Variants in MDGA2 observed in about 807,000 individuals in gnomAD.
MDGA2 encodes MAM domain containing glycosylphosphatidylinositol anchor 2.
MDGA2 carries 40 observed loss-of-function variants against 117.8 expected under a neutral mutation model. The observed-to-expected ratio is 0.34, with a 90% CI of 0.26 to 0.44. MDGA2 has a LOEUF of 0.44. MDGA2 is among the 20% of genes least tolerant of loss of function. The probability of loss-of-function intolerance (pLI) is 1.00; values close to 1 mark genes in which losing one functional copy is unlikely to be tolerated. For missense variants in MDGA2, 1,123 were observed against 1,250.6 expected, an observed-to-expected ratio of 0.90 and a Z score of 1.54; for synonymous variants, 452 against 439.0, an observed-to-expected ratio of 1.03 and a Z score of -0.37.
chr14:46,912,332 G>A (rs995469588), intron 10 of MDGA2, among the ~76,000 whole-genome samples: 10 of 152,006 alleles, frequency 6.6e-5, no homozygotes, highest in East Asian at 1.9e-4. Context: ...CCTGCAGTTC[G>A]TTTTTGCTGG....
intron 8 of MDGA2, among the ~76,000 whole-genome samples, chr14:47,000,413 A>T (rs1566567926): frequency 2.0e-4 from 28 of 140,946 alleles, no homozygotes; most frequent in East Asian, 6.0e-4. Flanking sequence ...ATATATTTAT[A>T]TATATACACA....
At chr14:47,030,872 G>A (rs967622103) in intron 8 of MDGA2, among the ~76,000 whole-genome samples, 1 of 151,958 alleles carries the variant, frequency 6.6e-6, no homozygotes, top group Non-Finnish European at 1.5e-5. Flanking sequence ...GTGGTAACTG[G>A]CAATTGTAGA....
At chr14:47,379,886 C>G (rs1301635298) in intron 1 of MDGA2, among the ~76,000 whole-genome samples, 1 of 152,194 alleles carries the variant, frequency 6.6e-6, no homozygotes, top group East Asian at 1.9e-4. Context: ...TAGACACCTA[C>G]AGAACTCTGC....
At chr14:47,638,035 C>A (rs966254901) in intron 1 of MDGA2, among the ~76,000 whole-genome samples, 1 of 152,112 alleles carries the variant, frequency 6.6e-6, no homozygotes, top group African/African-American at 2.4e-5. Context: ...TTCAAAGCTA[C>A]AACAGAATCA....
intron 1 of MDGA2, among the ~76,000 whole-genome samples, chr14:47,400,708 A>C (rs1211182124): frequency 9.7e-5 from 14 of 143,958 alleles, no homozygotes; most frequent in Admixed American, 8.9e-4. Context: ...CAAAAAAAAA[A>C]CCCTTAGTGG....
intron 10 of MDGA2, among the ~76,000 whole-genome samples, chr14:46,893,903 T>C (rs917405631): frequency 6.6e-6 from 1 of 151,988 alleles, no homozygotes; most frequent in African/African-American, 2.4e-5. Context: ...ATTTTATAAA[T>C]TTTTTTAGAC....
At chr14:47,075,327 C>G (rs2138860564) in intron 6 of MDGA2, among the ~76,000 whole-genome samples, 1 of 152,198 alleles carries the variant, frequency 6.6e-6, no homozygotes, top group East Asian at 1.9e-4. Flanking sequence ...TGAGCACCCT[C>G]ACTTCCACAA....
At chr14:47,292,756 A>C (rs574296490) in intron 2 of MDGA2, among the ~76,000 whole-genome samples, 17 of 152,140 alleles carry the variant, frequency 1.1e-4, no homozygotes, top group Middle Eastern at 3.2e-3. Flanking sequence ...AATGATTGTG[A>C]TCTTCCATTA....
At position 47,207,733 on chromosome 14, in the gene MDGA2, A is replaced by T. The variant is rs527980339; in HGVS notation, c.595+10288T>A. Among the ~76,000 whole-genome samples, 3 of 152,144 alleles carry T rather than the reference A, an allele frequency of 2.0e-5. No homozygotes were observed. The South Asian group carries it at 6.2e-4, about 32-fold the overall frequency. On this transcript the variant is annotated intron_variant, in intron 3 of 16. Transcript: ENST00000399232. ...GTCTTGATTGCATATCTGCCTCAGC[A>T]TTACCTCATGAAACAGGGATTTTTA...
intron 8 of MDGA2, among the ~76,000 whole-genome samples, chr14:46,978,190 T>G (rs1035944747): frequency 1.3e-5 from 2 of 151,958 alleles, no homozygotes; most frequent in African/African-American, 4.8e-5. Context: ...TTGTGTCATA[T>G]CAAGCATAGT....
At chr14:47,398,717 T>C (rs1261781639) in intron 1 of MDGA2, among the ~76,000 whole-genome samples, 7 of 152,190 alleles carry the variant, frequency 4.6e-5, no homozygotes, top group African/African-American at 1.7e-4. Flanking sequence ...CAGGGCACCA[T>C]CCTGCTTTAA....
rs1405109088 is a variant in MDGA2, at chr14:47,402,341, C to CG, written c.281-100792_281-100791insC. Reference sequence around the variant, plus strand: ...TAGAAACCCCAGAAACCCCCGCCCCCCCACCCCGCAAAAAAAAGAGAGAGA... The same window carrying CG: ...TAGAAACCCCAGAAACCCCCGCCCCCGCCACCCCGCAAAAAAAAGAGAGAGA... On this transcript the variant is annotated intron_variant, in intron 1 of 16. Transcript: ENST00000399232. 2.3e-5 allele frequency among the ~76,000 whole-genome samples: 3 copies of CG among 131,396 alleles called. 1 individual carries two copies. In the East Asian group the frequency reaches 7.1e-4, roughly 31 times the overall value. 86.2% of individuals were successfully genotyped at this position (131,396 alleles called of 152,430 possible).
chr14:47,523,749 C>T (rs374466873), intron 1 of MDGA2, among the ~76,000 whole-genome samples: 7 of 152,240 alleles, frequency 4.6e-5, no homozygotes, highest in African/African-American at 1.7e-4. Context: ...GTTCATTAAG[C>T]CTTCAGCACA....
intron 4 of MDGA2, among the ~76,000 whole-genome samples, chr14:47,133,085 C>G (rs1005793631): frequency 3.3e-5 from 5 of 150,824 alleles, no homozygotes; most frequent in Non-Finnish European, 7.4e-5. Context: ...ATCAGTCACC[C>G]CTTTAGCATT....
At chr14:47,641,561 G>A (rs553558888) in intron 1 of MDGA2, among the ~76,000 whole-genome samples, 6 of 152,166 alleles carry the variant, frequency 3.9e-5, no homozygotes, top group African/African-American at 1.4e-4. Flanking sequence ...TTTGAATAGG[G>A]AGTTGAATGG....
chr14:46,970,565 AT>A (rs1886223862), intron 8 of MDGA2, among the ~76,000 whole-genome samples: 1 of 152,196 alleles, frequency 6.6e-6, no homozygotes, highest in Admixed American at 6.5e-5. Context: ...AAAGACTTAT[AT>A]GTAAAATTTA....
intron 1 of MDGA2, among the ~76,000 whole-genome samples, chr14:47,416,790 C>T (rs1015989511): frequency 1.3e-5 from 2 of 152,192 alleles, no homozygotes; most frequent in Non-Finnish European, 1.5e-5. Flanking sequence ...CCTTGGCCTA[C>T]TGGAGCAAAA....
chr14:47,511,224 C>A (rs1894633545), intron 1 of MDGA2, among the ~76,000 whole-genome samples: 1 of 152,098 alleles, frequency 6.6e-6, no homozygotes, highest in African/African-American at 2.4e-5. Flanking sequence ...AGACAACTTA[C>A]ATTTTGGCCC....
chr14:47,053,105 C>G (rs1364205808), intron 7 of MDGA2, among the ~76,000 whole-genome samples: 1 of 151,946 alleles, frequency 6.6e-6, no homozygotes, highest in Non-Finnish European at 1.5e-5. Context: ...GCTCTAAATA[C>G]AAAAAGCTTT....
Sources: gnomAD v4.1 joint callset for allele counts (sites outside exome capture counted in the v4.1 genomes callset) on GRCh38, gnomAD v4.1.1 for gene constraint, MANE v1.5 for transcripts, NCBI Gene and HGNC (gene_info 2026-07-23, HGNC 2026-07-21) for gene names.